The following PRDM2 variants were observed in gnomAD, a reference collection of about 807,000 sequenced individuals.
PRDM2 encodes PR domain zinc finger protein 2.
PRDM2 carries 30 observed loss-of-function variants against 130.0 expected under a neutral mutation model. The ratio of observed to expected loss-of-function variants is 0.23; its 90% CI spans 0.17 to 0.31. The LOEUF is 0.31. Ranked by LOEUF, PRDM2 falls within the 10% of genes least tolerant of loss-of-function variation. The pLI is 1.00. For synonymous variants in PRDM2, 871 were observed against 782.4 expected, an observed-to-expected ratio of 1.11 and a Z score of -1.89; for missense variants, 2,011 against 2,108.4, an observed-to-expected ratio of 0.95 and a Z score of 0.90.
rs567178648 is a variant in PRDM2, at chr1:13,782,988, G to A, written c.5036+157G>A. 1.4e-5 allele frequency: 20 copies of A among 1,475,686 alleles called. No homozygotes were observed. The South Asian group carries it at 2.4e-4, about 18-fold the overall frequency. The allele number at this position is 1,475,686 out of a possible 1,614,324, so 91.4% of individuals were successfully genotyped here. A position where few individuals can be genotyped will look rare whatever the true frequency, so the allele number is the denominator to read the frequency against. On this transcript the variant is annotated intron_variant, in intron 8 of 9. Coordinates refer to ENST00000311066, the MANE Select transcript of PRDM2 (RefSeq NM_001393986.1). ...AAAGGCATGAAGGGTCATTGCTTTG[G>A]CTGCTTTTAGAGATGAATAAATAGT...
chr1:13,776,381 C>T (rs572261826), intron 7 of PRDM2, among the ~76,000 whole-genome samples: 6 of 152,224 alleles, frequency 3.9e-5, no homozygotes, highest in East Asian at 1.9e-4. Context: ...TAGAGGGGTC[C>T]GCTTCTGCAG....
chr1:13,709,009 T>G (rs1289260197), intron 1 of PRDM2, among the ~76,000 whole-genome samples: 1 of 152,268 alleles, frequency 6.6e-6, no homozygotes, highest in Non-Finnish European at 1.5e-5. Flanking sequence ...ATGATTACTC[T>G]TGTGAAATTG....
chr1:13,723,398 A>G (rs562927943), intron 2 of PRDM2, among the ~76,000 whole-genome samples: 23 of 152,274 alleles, frequency 1.5e-4, no homozygotes, highest in African/African-American at 5.1e-4. Flanking sequence ...GCTCCAGCAC[A>G]TGGACACTTG....
chr1:13,781,015 TCTC>T lies in PRDM2; in HGVS notation c.3222_3224del (p.Pro1077del). On this transcript the variant is annotated inframe_deletion, in exon 8 of 10. Coordinates refer to ENST00000311066, the MANE Select transcript of PRDM2 (RefSeq NM_001393986.1). The surrounding 1 kb of genome is among the most constrained non-coding windows in gnomAD (Gnocchi z 6.1). ...TTCTTCATCTTCCTCCTCTTCTCCTTCTCCACCTCCTCTCTCCGCAATATCATC... is the reference window on the plus strand; with the variant it reads ...TTCTTCATCTTCCTCCTCTTCTCCTTCACCTCCTCTCTCCGCAATATCATC... 6.2e-7 allele frequency: 1 copy of T among 1,604,848 alleles called. No individual in the cohort carries two copies. The highest frequency in any genetic ancestry group is 8.5e-7 in the Non-Finnish European group (1 of 1,171,736).
chr1:13,801,920 C>T (rs937370416), intron 8 of PRDM2, among the ~76,000 whole-genome samples: 10 of 152,144 alleles, frequency 6.6e-5, no homozygotes, highest in Admixed American at 2.0e-4. Flanking sequence ...AAATGGAGTG[C>T]AGGATCCTGG....
At chr1:13,767,239 TAAAAA>T (rs146584339) in intron 6 of PRDM2, among the ~76,000 whole-genome samples, 1 of 150,924 alleles carries the variant, frequency 6.6e-6, no homozygotes, top group Non-Finnish European at 1.5e-5. Flanking sequence ...AAAATAGAAA[TAAAAA>T]AAAGCATTCC....
At position 13,782,789 on chromosome 1, in the gene PRDM2, A is replaced by G; in HGVS notation, c.4994A>G (p.Lys1665Arg). 6.2e-7 allele frequency: 1 copy of G among 1,610,456 alleles called. No individual in the cohort carries two copies. The change falls in exon 8 of 10, where the codon AAG (lysine) becomes AGG (arginine). Residue 1665 changes from lysine to arginine, a missense_variant. Lys to Arg is a conservative substitution (Grantham distance 26). This residue lies in a region of PRDM2 where 410 missense variants were observed against 395.9 expected (regional missense o/e 1.04). Coordinates refer to ENST00000311066, the MANE Select transcript of PRDM2 (RefSeq NM_001393986.1). Reference protein sequence around the residue: ...LAAAADLSENKREDGSAKQEL... With the variant: ...LAAAADLSENRREDGSAKQEL... ...GCTGCTGCTGACTTGAGTGAGAACA[A>G]GAGAGAGGACGGCAGCGCCAAGCAG...
At chr1:13,801,195 C>T (rs147872475) in intron 8 of PRDM2, among the ~76,000 whole-genome samples, 28 of 152,308 alleles carry the variant, frequency 1.8e-4, no homozygotes, top group African/African-American at 6.5e-4. Context: ...GGGGAGGGTT[C>T]AGGCCAGGGC....
rs1644565939 is a variant in PRDM2, at chr1:13,779,815, A to T, written c.2020A>T (p.Thr674Ser). ...AAGTCTTCCTCTTAGCATATCAACAACAGAGGCAGTGTCTTTCCACAAAGA... is the reference window on the plus strand; with the variant it reads ...AAGTCTTCCTCTTAGCATATCAACATCAGAGGCAGTGTCTTTCCACAAAGA... ...SLSLPLSIST[T>S]EAVSFHKEKS... Residue 674 changes from threonine (T) to serine (S), a missense_variant, in exon 8 of 10, where the codon ACA becomes TCA. This residue lies in a region of PRDM2 where 1,288 missense variants were observed against 1,237.7 expected (regional missense o/e 1.04). Coordinates refer to ENST00000311066, the MANE Select transcript of PRDM2 (RefSeq NM_001393986.1). This position sits in a 1 kb window ranked among gnomAD's most constrained non-coding sequence, Gnocchi z 4.9. 3.1e-6 allele frequency: 5 copies of T among 1,614,158 alleles called. No individual in the cohort carries two copies. Among genetic ancestry groups the T allele is most frequent in the Non-Finnish European group, 2.5e-6 (3 of 1,180,020 alleles).
intron 8 of PRDM2, chr1:13,787,095 C>T (rs1235558935): frequency 1.0e-6 from 1 of 985,242 alleles, no homozygotes; most frequent in African/African-American, 1.7e-5. Context: ...AGTAGATTGC[C>T]AGCGTAATGG....
intron 9 of PRDM2, among the ~76,000 whole-genome samples, chr1:13,819,556 A>T (rs1472034720): frequency 6.6e-6 from 1 of 152,174 alleles, no homozygotes; most frequent in East Asian, 1.9e-4. Flanking sequence ...TATTATTTTT[A>T]AAATAATTTT....
intron 8 of PRDM2, among the ~76,000 whole-genome samples, chr1:13,814,208 G>A (rs533384504): frequency 2.6e-5 from 4 of 152,314 alleles, no homozygotes; most frequent in South Asian, 4.1e-4. Flanking sequence ...TGGGGTTGGC[G>A]GGGGTGGCCA....
Position 13,780,801 on chromosome 1 carries a change from A to G in PRDM2, c.3006A>G (p.Ala1002=). 1 of 1,533,784 alleles carries G rather than the reference A, an allele frequency of 6.5e-7. No individual in the cohort carries two copies. Among genetic ancestry groups the G allele is most frequent in the South Asian group, 1.2e-5 (1 of 86,336 alleles). Residue 1002 remains alanine (A), a synonymous_variant, in exon 8 of 10, where the codon GCA becomes GCG. Transcript: ENST00000311066. ...TVPLPAPSSS[A]SPHPCPSPLS... is the part of the protein sequence containing the mutation. Reference sequence around the variant, plus strand: ...CTCTTCCAGCCCCCTCTTCCAGTGCATCTCCACACCCATGCCCCTCTCCAC... The same window carrying G: ...CTCTTCCAGCCCCCTCTTCCAGTGCGTCTCCACACCCATGCCCCTCTCCAC...
chr1:13,776,808 CCCCCAG>C (rs1557642998), intron 7 of PRDM2, among the ~76,000 whole-genome samples: 1 of 152,128 alleles, frequency 6.6e-6, no homozygotes, highest in Non-Finnish European at 1.5e-5. Context: ...ACTGGCCTTT[CCCCCAG>C]CCTCAGTCGT....
chr1:13,742,767 T>C (rs1394153671), intron 5 of PRDM2, among the ~76,000 whole-genome samples: 1 of 152,250 alleles, frequency 6.6e-6, no homozygotes. Flanking sequence ...GTCTGGCAGA[T>C]TTATCCTACT....
At chr1:13,809,640 G>A (rs1018782693) in intron 8 of PRDM2, among the ~76,000 whole-genome samples, 3 of 152,166 alleles carry the variant, frequency 2.0e-5, no homozygotes, top group African/African-American at 7.2e-5. Flanking sequence ...GCTGGGCGTG[G>A]GTGCCGGTGA....
chr1:13,815,401 C>T (rs112705272), intron 8 of PRDM2, among the ~76,000 whole-genome samples: 4,922 of 152,264 alleles, frequency 0.032, 262 homozygotes, highest in African/African-American at 0.11. Context: ...CATGAGCCAC[C>T]GCACCTGGCC....
chr1:13,814,713 T>C (rs1645229940), intron 8 of PRDM2, among the ~76,000 whole-genome samples: 2 of 152,226 alleles, frequency 1.3e-5, no homozygotes, highest in Non-Finnish European at 2.9e-5. Flanking sequence ...GAACCACTCA[T>C]GTGAGCTCTA....
intron 2 of PRDM2, among the ~76,000 whole-genome samples, chr1:13,723,618 CT>C (rs1274526776): frequency 2.6e-5 from 4 of 152,164 alleles, no homozygotes; most frequent in African/African-American, 9.6e-5. Context: ...TCTGCGATGA[CT>C]TCTAGGACTG....
Sources: allele counts gnomAD v4.1 joint callset (sites outside exome capture counted in the v4.1 genomes callset), GRCh38; gene constraint gnomAD v4.1.1; regional missense constraint gnomAD v4.1.1; non-coding constraint Gnocchi (gnomAD v3.1); transcripts MANE v1.5; gene names NCBI Gene and HGNC (gene_info 2026-07-23, HGNC 2026-07-21).